Variants in DDX60L observed in about 807,000 individuals in gnomAD.
DDX60L encodes the protein probable ATP-dependent RNA helicase DDX60-like.
In DDX60L, 191 loss-of-function variants were observed where a neutral mutation model predicts 211.6. The ratio of observed to expected loss-of-function variants is 0.90; its 90% confidence interval spans 0.80 to 1.02. DDX60L has a LOEUF of 1.02. DDX60L is among the 50% of genes least tolerant of loss of function. The pLI is 0.00. For synonymous variants in DDX60L, 706 were observed against 694.1 expected (o/e 1.02, Z -0.27); for missense variants, 2,007 against 1,984.1 (o/e 1.01, Z -0.22).
chr4:168,362,917 GA>G (rs1739346315), intron 36 of DDX60L, among the ~76,000 whole-genome samples: 1 of 152,164 alleles, frequency 6.6e-6, no homozygotes, highest in South Asian at 2.1e-4. Flanking sequence ...AATAATAGCT[GA>G]AAACTTCCCA....
chr4:168,391,967 C>A (rs150001271), intron 28 of DDX60L, among the ~76,000 whole-genome samples: 1 of 152,150 alleles, frequency 6.6e-6, no homozygotes, highest in Non-Finnish European at 1.5e-5. Flanking sequence ...GTTTACTTGT[C>A]CCCCCAAGAC....
chr4:168,363,658 T>C (rs1198348775), intron 36 of DDX60L, among the ~76,000 whole-genome samples: 1 of 152,160 alleles, frequency 6.6e-6, no homozygotes, highest in African/African-American at 2.4e-5. Flanking sequence ...ACAAGACTCT[T>C]TATGTTAGCA....
Position 168,441,361 on chromosome 4 carries a change from T to G in DDX60L, c.1270A>C (p.Arg424=). 6.2e-7 allele frequency: 1 copy of G among 1,609,662 alleles called. No individual in the cohort carries two copies. Among genetic ancestry groups the G allele is most frequent in the Non-Finnish European group, 8.5e-7 (1 of 1,178,410 alleles). Residue 424 remains arginine (R), a synonymous_variant, in exon 10 of 38, where the codon AGA becomes CGA. Coordinates refer to ENST00000682922, the MANE Select transcript of DDX60L (RefSeq NM_001012967.3). ...CCTTGAATGACCGATTTCTCTTGTC[T>G]AAGAAAATGTCTTCTTGTTGTTCTC... The part of the protein sequence containing the change: ...PLRTTRRHFL[R]QEKSVIQEIS...
chr4:168,402,805 C>T (rs954288939), intron 25 of DDX60L, among the ~76,000 whole-genome samples: 1 of 152,172 alleles, frequency 6.6e-6, no homozygotes, highest in African/African-American at 2.4e-5. Flanking sequence ...TCCAGAGCTA[C>T]AAACCAGTGG....
At chr4:168,449,682 T>TAAAAAAAAA (rs1755510939) in intron 8 of DDX60L, among the ~76,000 whole-genome samples, 1 of 78,418 alleles carries the variant, frequency 1.3e-5, no homozygotes, top group Non-Finnish European at 2.7e-5. Context: ...AGAAAAAAAT[T>TAAAAAAAAA]ACTAAATGAT....
chr4:168,409,041 T>C (rs773598851), intron 22 of DDX60L, among the ~76,000 whole-genome samples: 2 of 152,230 alleles, frequency 1.3e-5, no homozygotes, highest in Non-Finnish European at 2.9e-5. Flanking sequence ...CTCATTTGGA[T>C]AGACCATCTT....
At chr4:168,439,448 C>A (rs1441981469) in intron 10 of DDX60L, among the ~76,000 whole-genome samples, 1 of 152,124 alleles carries the variant, frequency 6.6e-6, no homozygotes, top group Non-Finnish European at 1.5e-5. Context: ...CCACCCTCCC[C>A]TTCCTTAAGA....
chr4:168,391,642 T>G lies in DDX60L; in HGVS notation c.3813A>C (p.Val1271=). ...AGGCAAGTGTTTCAGTAGCTGTCAC[T>G]ACCTAGGAAAAAAAAAAAAAAACAG... ...EILFVKGLIR[V]VTATETLALG... The change falls in exon 29 of 38, where the codon GTA becomes GTC. Residue 1271 remains valine, a splice_region_variant and synonymous_variant. Transcript: ENST00000682922. The G allele has an allele frequency of 7.1e-7, 1 of 1,415,868 alleles. No individual in the cohort carries two copies. 87.7% of individuals were successfully genotyped at this position (1,415,868 alleles called of 1,614,324 possible). A position where few individuals can be genotyped will look rare whatever the true frequency, so the allele number is the denominator to read the frequency against.
At chr4:168,358,524 C>CTTTTTTTTTTTTT (rs70961514) in intron 37 of DDX60L, among the ~76,000 whole-genome samples, 70 of 108,260 alleles carry the variant, frequency 6.5e-4, no homozygotes, top group Middle Eastern at 4.7e-3. Flanking sequence ...TTTTCTTTTT[C>CTTTTTTTTTTTTT]TTTTTTTTTT....
intron 5 of DDX60L, among the ~76,000 whole-genome samples, chr4:168,460,970 C>A (rs1757247459): frequency 6.6e-6 from 1 of 152,204 alleles, no homozygotes; most frequent in South Asian, 2.1e-4. Flanking sequence ...ATGCACAGGG[C>A]AAGGTATGAG....
intron 25 of DDX60L, among the ~76,000 whole-genome samples, chr4:168,401,779 C>G (rs1015657647): frequency 6.6e-6 from 1 of 152,032 alleles, no homozygotes; most frequent in Non-Finnish European, 1.5e-5. Context: ...AAACAGACTT[C>G]GAAAAGAAAT....
At chr4:168,405,700 T>C (rs764529899) in intron 24 of DDX60L, among the ~76,000 whole-genome samples, 1 of 152,232 alleles carries the variant, frequency 6.6e-6, no homozygotes, top group Admixed American at 6.5e-5. Flanking sequence ...CGTTTTTAGC[T>C]GTTTGTAGCT....
chr4:168,471,540 A>T (rs569066927), intron 4 of DDX60L: 1 of 409,900 alleles, frequency 2.4e-6, no homozygotes, highest in East Asian at 4.2e-5. Context: ...GGGAACATAG[A>T]GTTGAGGGAA....
At chr4:168,423,311 G>A (rs987042009) in intron 15 of DDX60L, among the ~76,000 whole-genome samples, 17 of 151,826 alleles carry the variant, frequency 1.1e-4, no homozygotes, top group Non-Finnish European at 2.2e-4. Context: ...CTAGAATTAA[G>A]TATAGGATTC....
At chr4:168,467,252 T>C (rs1459409588) in intron 4 of DDX60L, among the ~76,000 whole-genome samples, 2 of 151,676 alleles carry the variant, frequency 1.3e-5, no homozygotes, top group African/African-American at 2.4e-5. Flanking sequence ...TTATAAAAAA[T>C]ACAAAAATTA....
At chr4:168,409,523 T>C (rs1367689678) in intron 22 of DDX60L, among the ~76,000 whole-genome samples, 1 of 152,210 alleles carries the variant, frequency 6.6e-6, no homozygotes, top group Non-Finnish European at 1.5e-5. Flanking sequence ...ATGCTTATCA[T>C]ATATCTATTC....
At chr4:168,426,677 C>T (rs944495366) in intron 14 of DDX60L, among the ~76,000 whole-genome samples, 5 of 152,178 alleles carry the variant, frequency 3.3e-5, no homozygotes, top group African/African-American at 1.2e-4. Context: ...TGGAAAAACC[C>T]ATGGAGAATC....
chr4:168,461,884 A>G lies in DDX60L; in HGVS notation c.421T>C (p.Tyr141His). ...CCTTCCTCTGAAACTATCAGAAAAT[A>G]CGGGTAATGCTGTTCCAAGAATAAC... Reference protein sequence around the residue: ...WKLFLEQHYPYFLIVSEEGLS... With the variant: ...WKLFLEQHYPHFLIVSEEGLS... The change falls in exon 5 of 38, where the codon TAT becomes CAT. Residue 141 changes from tyrosine (Y) to histidine (H), a missense_variant. Coordinates refer to ENST00000682922, the MANE Select transcript of DDX60L (RefSeq NM_001012967.3). The G allele has an allele frequency of 1.2e-6, 2 of 1,611,712 alleles. No homozygotes were observed. The highest frequency in any genetic ancestry group is 1.7e-6 in the Non-Finnish European group (2 of 1,178,722).
chr4:168,427,163 T>A lies in DDX60L; in HGVS notation c.1837A>T (p.Thr613Ser). The change falls in exon 14 of 38, where the codon ACA becomes TCA. Residue 613 changes from threonine to serine, a missense_variant. Thr to Ser is a moderately conservative substitution (Grantham distance 58). Coordinates refer to ENST00000682922, the MANE Select transcript of DDX60L (RefSeq NM_001012967.3). ...SGIRKLEDYL[T>S]SCASNSVKFG... ...TTCACTGAATTACTTGCACATGATG[T>A]CAAATAATCTTCCAATTTCCTTATT... The A allele has an allele frequency of 6.2e-7, 1 of 1,611,106 alleles. No homozygotes were observed. Among genetic ancestry groups the A allele is most frequent in the Non-Finnish European group, 8.5e-7 (1 of 1,178,062 alleles).
Sources: gnomAD v4.1 joint callset for allele counts (sites outside exome capture counted in the v4.1 genomes callset) on GRCh38, gnomAD v4.1.1 for gene constraint, MANE v1.5 for transcripts, NCBI Gene and HGNC (gene_info 2026-07-23, HGNC 2026-07-21) for gene names.